Variants in SPOP observed in about 807,000 individuals in gnomAD.
SPOP encodes the protein speckle-type POZ protein.
SPOP carries 11 observed loss-of-function variants against 45.6 expected under a neutral mutation model. That is an observed-to-expected ratio of 0.24 (90% CI 0.15 to 0.40). The LOEUF (loss-of-function observed/expected upper bound fraction) is 0.40. Ranked by LOEUF, SPOP falls within the 10% of genes least tolerant of loss-of-function variation. The pLI, the probability that SPOP is intolerant of heterozygous loss-of-function variation, is 1.00. For synonymous variants in SPOP, 166 were observed against 166.3 expected, an observed-to-expected ratio of 1.00 and a Z score of 0.01; for missense variants, 152 against 465.6, an observed-to-expected ratio of 0.33 and a Z score of 6.20.
chr17:49,601,851 A>C lies in SPOP; in HGVS notation c.980+14T>G, dbSNP rs1229149884. 3.7e-6 allele frequency: 6 copies of C among 1,612,552 alleles called. No individual in the cohort carries two copies. The highest frequency in any genetic ancestry group is 1.7e-5 in the Admixed American group (1 of 59,894). On this transcript the variant is annotated intron_variant, in intron 9 of 9. Coordinates refer to ENST00000504102, the MANE Select transcript of SPOP (RefSeq NM_001007228.2). ...AACTATTTTGAAAGAAGAACTTTGA[A>C]GATGCCAACTCACTAGTTGATGAAA...
At chr17:49,648,982 C>A (rs113753575) in intron 1 of SPOP, among the ~76,000 whole-genome samples, 3,906 of 152,162 alleles carry the variant, frequency 0.026, 184 homozygotes, top group African/African-American at 0.089. Flanking sequence ...TGGTCTTGAT[C>A]TCCTGACCCC....
intron 6 of SPOP, among the ~76,000 whole-genome samples, chr17:49,610,095 A>G (rs2071937986): frequency 6.6e-6 from 1 of 152,168 alleles, no homozygotes; most frequent in African/African-American, 2.4e-5. Flanking sequence ...AGAGTGGTTA[A>G]GGTTTGAGAC....
intron 1 of SPOP, among the ~76,000 whole-genome samples, chr17:49,661,638 A>G (rs552658483): frequency 6.6e-6 from 1 of 152,160 alleles, no homozygotes; most frequent in Admixed American, 6.6e-5. Context: ...TCTTTCTACT[A>G]TGCTTTTGCT....
At position 49,677,796 on chromosome 17, in the gene SPOP, G is replaced by C. The variant is rs372661302; in HGVS notation, c.-67+137C>G. ...TCGCAGGCCACGTAATCCGGGTGTA[G>C]GAAATGGGACTGAGGAGAGTATATG... On this transcript the variant is annotated intron_variant, in intron 1 of 9. Coordinates refer to ENST00000504102, the MANE Select transcript of SPOP (RefSeq NM_001007228.2). The C allele has an allele frequency of 3.6e-4, 140 of 388,550 alleles. 3 individuals are homozygous for C. The South Asian group carries it at 0.019, about 52-fold the overall frequency. The allele number at this position is 388,550 out of a possible 1,614,324, so 24.1% of individuals were successfully genotyped here. A position where few individuals can be genotyped will look rare whatever the true frequency, so the allele number is the denominator to read the frequency against.
At chr17:49,675,420 A>T (rs2073186457) in intron 1 of SPOP, among the ~76,000 whole-genome samples, 2 of 152,250 alleles carry the variant, frequency 1.3e-5, no homozygotes, top group Non-Finnish European at 2.9e-5. Context: ...TGAAGAATAT[A>T]TAGGTGTATA....
At chr17:49,601,824 C>T (rs746135610) in intron 9 of SPOP, 41 bp downstream of exon 9, 20 of 1,608,552 alleles carry the variant, frequency 1.2e-5, no homozygotes, top group Non-Finnish European at 8.5e-7. Context: ...CTTCAGCTAT[C>T]CAACTATTTT....
At chr17:49,625,893 A>T (rs761734250) in intron 1 of SPOP, among the ~76,000 whole-genome samples, 1 of 152,218 alleles carries the variant, frequency 6.6e-6, no homozygotes, top group African/African-American at 2.4e-5. Flanking sequence ...ATCTCTTGTG[A>T]TTCTTTTAAA....
intron 1 of SPOP, among the ~76,000 whole-genome samples, chr17:49,625,401 G>A (rs1282940769): frequency 6.6e-6 from 1 of 152,172 alleles, no homozygotes; most frequent in Non-Finnish European, 1.5e-5. Flanking sequence ...CTGGGGTTGG[G>A]AGTTCGAGAC....
intron 5 of SPOP, among the ~76,000 whole-genome samples, chr17:49,617,553 A>G (rs542762812): frequency 2.0e-5 from 3 of 152,352 alleles, no homozygotes; most frequent in South Asian, 4.1e-4. Flanking sequence ...TATGCAAACT[A>G]TATTTTACAT....
intron 7 of SPOP, 92 bp downstream of exon 7, chr17:49,607,782 A>C: frequency 7.9e-7 from 1 of 1,269,602 alleles, no homozygotes; most frequent in Middle Eastern, 2.0e-4. Context: ...GTAAGAAAAA[A>C]GTAATTAGGA....
intron 2 of SPOP, 182 bp downstream of exon 2, chr17:49,622,551 G>A (rs917568194): frequency 1.7e-6 from 1 of 604,928 alleles, no homozygotes. Context: ...ACTAGCCTAG[G>A]GAATTTAGAT....
intron 1 of SPOP, among the ~76,000 whole-genome samples, chr17:49,655,513 A>G (rs1183519676): frequency 3.4e-5 from 5 of 148,752 alleles, no homozygotes; most frequent in African/African-American, 4.9e-5. Flanking sequence ...TCCGTCTCCA[A>G]AAAAAAAAAA....
intron 7 of SPOP, 140 bp downstream of exon 7, chr17:49,607,733 TG>T (rs1480748601): frequency 1.3e-6 from 1 of 767,956 alleles, no homozygotes; most frequent in Non-Finnish European, 2.2e-6. Context: ...CACTTCTCTC[TG>T]CTCTCAGAAG....
intron 8 of SPOP, among the ~76,000 whole-genome samples, chr17:49,602,687 A>G (rs2071762694): frequency 6.6e-6 from 1 of 152,210 alleles, no homozygotes; most frequent in South Asian, 2.1e-4. Context: ...GGATAAATAG[A>G]GTCTTATTTT....
chr17:49,660,404 C>T (rs1266989398), intron 1 of SPOP, among the ~76,000 whole-genome samples: 1 of 152,204 alleles, frequency 6.6e-6, no homozygotes, highest in Non-Finnish European at 1.5e-5. Context: ...ACAACACCTA[C>T]TCCCACCCCA....
chr17:49,656,046 A>G (rs1409825453), intron 1 of SPOP, among the ~76,000 whole-genome samples: 1 of 152,144 alleles, frequency 6.6e-6, no homozygotes, highest in African/African-American at 2.4e-5. Context: ...TCCTGACCTT[A>G]GGTGATCCAC....
At chr17:49,609,975 G>T (rs1188356134) in intron 6 of SPOP, among the ~76,000 whole-genome samples, 1 of 152,136 alleles carries the variant, frequency 6.6e-6, no homozygotes, top group African/African-American at 2.4e-5. Flanking sequence ...CCTCCACTGA[G>T]AATGCAGGTG....
At chr17:49,601,727 G>C in intron 9 of SPOP, 138 bp downstream of exon 9, 1 of 1,117,518 alleles carries the variant, frequency 8.9e-7, no homozygotes, top group Non-Finnish European at 1.3e-6. Context: ...TCAACTGAAG[G>C]AAAAGATGAA....
chr17:49,617,572 T>C (rs1048740949), intron 5 of SPOP, among the ~76,000 whole-genome samples: 1 of 152,116 alleles, frequency 6.6e-6, no homozygotes, highest in Non-Finnish European at 1.5e-5. Context: ...ATATTTAGTG[T>C]GGTATTATAA....
Sources: gnomAD v4.1 joint callset for allele counts (sites outside exome capture counted in the v4.1 genomes callset) on GRCh38, gnomAD v4.1.1 for gene constraint, MANE v1.5 for transcripts, NCBI Gene and HGNC (gene_info 2026-07-23, HGNC 2026-07-21) for gene names.